The following TENM2 variants were observed in gnomAD, a reference collection of about 807,000 sequenced individuals.
The protein encoded by TENM2 is teneurin transmembrane protein 2.
A neutral mutation model predicts 245.2 loss-of-function variants in TENM2; 52 were observed. The observed-to-expected ratio is 0.21, with a 90% CI of 0.17 to 0.27. The LOEUF is 0.27. Ranked by LOEUF, TENM2 falls within the 10% of genes least tolerant of loss-of-function variation. The probability of loss-of-function intolerance (pLI) is 1.00; values close to 1 mark genes in which losing one functional copy is unlikely to be tolerated. For missense variants in TENM2, 3,046 were observed against 3,666.8 expected (o/e 0.83, Z 4.37); for synonymous variants, 1,363 against 1,438.9 (o/e 0.95, Z 1.19).
chr5:167,061,153 A>G, the TENM2 span, among the ~76,000 whole-genome samples: 1 of 152,088 alleles, frequency 6.6e-6, no homozygotes, highest in African/African-American at 2.4e-5. Flanking sequence ...ACGCACACGA[A>G]TGTTAATCCC....
Position 167,429,601 on chromosome 5 carries a change from CTCTCTCT to C in TENM2, c.502+54130_502+54136del, listed in dbSNP as rs1286038657. On this transcript the variant is annotated intron_variant, in intron 2 of 28. Transcript: ENST00000518659. ...TCAGGGAAATTCTCTTTCTCTCTCTCTCTCTCTTTTTTTTTTTTTTTTTTTTTTGACT... is the reference window on the plus strand; with the variant it reads ...TCAGGGAAATTCTCTTTCTCTCTCTCTTTTTTTTTTTTTTTTTTTTTGACT... Among the ~76,000 whole-genome samples the C allele has an allele frequency of 1.8e-3, 247 of 137,610 alleles. 1 individual carries two copies. Among genetic ancestry groups the C allele is most frequent in the African/African-American group, 6.6e-3 (229 of 34,648 alleles). 90.3% of individuals were successfully genotyped at this position (137,610 alleles called of 152,430 possible). A position where few individuals can be genotyped will look rare whatever the true frequency, so the allele number is the denominator to read the frequency against.
the TENM2 span, among the ~76,000 whole-genome samples, chr5:167,146,120 G>A: frequency 6.6e-6 from 1 of 152,062 alleles, no homozygotes; most frequent in East Asian, 1.9e-4. Context: ...AGTGTACTTG[G>A]TAGCTATATA....
chr5:167,219,167 G>T, the TENM2 span, among the ~76,000 whole-genome samples: 1 of 152,146 alleles, frequency 6.6e-6, no homozygotes, highest in Non-Finnish European at 1.5e-5. Flanking sequence ...GGGCATAGAG[G>T]CTCATGCCTG....
chr5:168,178,224 G>C (rs1319016408), intron 13 of TENM2, among the ~76,000 whole-genome samples: 1 of 152,190 alleles, frequency 6.6e-6, no homozygotes, highest in East Asian at 1.9e-4. Flanking sequence ...TCACTGTCTG[G>C]CACCAGGCTG....
chr5:168,226,413 A>T (rs1764192803), intron 24 of TENM2, 150 bp downstream of exon 26: 2 of 649,438 alleles, frequency 3.1e-6, no homozygotes, highest in Non-Finnish European at 5.3e-6. Flanking sequence ...TCCACAGCAA[A>T]CTATAAGAGG....
intron 2 of TENM2, among the ~76,000 whole-genome samples, chr5:167,853,358 A>C (rs934452319): frequency 1.3e-5 from 2 of 150,528 alleles, no homozygotes; most frequent in African/African-American, 4.9e-5. Flanking sequence ...GAATTTAAAA[A>C]TAACATGGCA....
chr5:167,270,049 A>G, the TENM2 span, among the ~76,000 whole-genome samples: 1 of 152,190 alleles, frequency 6.6e-6, no homozygotes, highest in Non-Finnish European at 1.5e-5. Flanking sequence ...TCTATTTACA[A>G]TACAGGCCAA....
the TENM2 span, among the ~76,000 whole-genome samples, chr5:167,093,660 A>ATAGCCTGTAATCC: frequency 6.6e-6 from 1 of 152,290 alleles, no homozygotes; most frequent in East Asian, 1.9e-4. Context: ...TTGGATGAGA[A>ATAGCCTGTAATCC]TAGCCAACTG....
exon 29 of TENM2, chr5:168,262,084 T>C (rs775944717): frequency 2.5e-6 from 4 of 1,613,988 alleles, no homozygotes; most frequent in Non-Finnish European, 3.4e-6. Flanking sequence ...CAGAGAGACA[T>C]AACCAGGCCT....
At chr5:167,034,587 G>A in the TENM2 span, among the ~76,000 whole-genome samples, 127 of 124,230 alleles carry the variant, frequency 1.0e-3, no homozygotes, top group African/African-American at 3.5e-3. Context: ...CCGAGATCCC[G>A]CCACTGCACT....
At chr5:167,922,601 A>G (rs1777455226) in intron 3 of TENM2, among the ~76,000 whole-genome samples, 1 of 152,180 alleles carries the variant, frequency 6.6e-6, no homozygotes. Context: ...ATTTGTCTTC[A>G]TACATATCCC....
intron 2 of TENM2, among the ~76,000 whole-genome samples, chr5:167,819,738 G>A (rs575674191): frequency 9.9e-5 from 15 of 152,276 alleles, no homozygotes; most frequent in South Asian, 4.1e-4. Flanking sequence ...GGGAAATGGC[G>A]GACTGCAACT....
chr5:168,147,864 A>G (rs1268660595), intron 12 of TENM2, among the ~76,000 whole-genome samples: 1 of 152,200 alleles, frequency 6.6e-6, no homozygotes, highest in Non-Finnish European at 1.5e-5. Flanking sequence ...AGGGCCTCTA[A>G]AAGGTACGTT....
chr5:167,777,154 G>A (rs1763864341), intron 2 of TENM2, among the ~76,000 whole-genome samples: 1 of 152,172 alleles, frequency 6.6e-6, no homozygotes, highest in South Asian at 2.1e-4. Context: ...TTTTACAGAG[G>A]AGACAGAGAG....
chr5:167,317,174 A>G (rs1756413392), intron 1 of TENM2, among the ~76,000 whole-genome samples: 1 of 152,186 alleles, frequency 6.6e-6, no homozygotes, highest in African/African-American at 2.4e-5. Flanking sequence ...GCTTCCTCTC[A>G]GCAGTCAATA....
At chr5:168,030,105 G>A (rs1786980896) in intron 5 of TENM2, among the ~76,000 whole-genome samples, 1 of 143,154 alleles carries the variant, frequency 7.0e-6, no homozygotes, top group Non-Finnish European at 1.5e-5. Flanking sequence ...GGCATGCTGA[G>A]AAAGAATGTC....
At chr5:168,206,650 T>A (rs1412823657) in intron 19 of TENM2, among the ~76,000 whole-genome samples, 2 of 152,196 alleles carry the variant, frequency 1.3e-5, no homozygotes, top group African/African-American at 4.8e-5. Context: ...TCGCTTTTCC[T>A]AGACTTGCCC....
intron 2 of TENM2, among the ~76,000 whole-genome samples, chr5:167,813,387 G>GCACACACACACA (rs142804283): frequency 6.9e-6 from 1 of 145,422 alleles, no homozygotes; most frequent in African/African-American, 2.5e-5. Flanking sequence ...TACAAGTTCT[G>GCACACACACACA]CACACACACA....
chr5:167,396,928 C>A (rs1762085839), intron 2 of TENM2, among the ~76,000 whole-genome samples: 1 of 152,082 alleles, frequency 6.6e-6, no homozygotes, highest in African/African-American at 2.4e-5. Context: ...GAAGAACCAG[C>A]AAAAGTGTGG....
Sources: allele counts gnomAD v4.1 joint callset (sites outside exome capture counted in the v4.1 genomes callset), GRCh38; gene constraint gnomAD v4.1.1; transcripts MANE v1.5; gene names NCBI Gene and HGNC (gene_info 2026-07-23, HGNC 2026-07-21).